Variants in CCSER2 observed in about 807,000 individuals in gnomAD.
The protein encoded by CCSER2 is coiled-coil serine rich protein 2.
CCSER2 carries 46 observed loss-of-function variants against 92.3 expected under a neutral mutation model. The observed-to-expected ratio is 0.50, with a 90% CI of 0.39 to 0.64. The LOEUF (loss-of-function observed/expected upper bound fraction) is 0.64. Among genes scored for constraint, CCSER2 ranks in the 30% least tolerant of loss-of-function variants. The pLI is 0.00. For missense variants in CCSER2, 1,244 were observed against 1,238.9 expected (o/e 1.00, Z -0.06); for synonymous variants, 433 against 431.4 (o/e 1.00, Z -0.04).
At chr10:84,342,677 CA>C (rs1042667218) in intron 1 of CCSER2, among the ~76,000 whole-genome samples, 9 of 152,174 alleles carry the variant, frequency 5.9e-5, no homozygotes, top group African/African-American at 2.2e-4. Flanking sequence ...CTGTTCCAAA[CA>C]CACTTCACAC....
intron 1 of CCSER2, among the ~76,000 whole-genome samples, chr10:84,342,265 A>C (rs2133021424): frequency 6.6e-6 from 1 of 152,332 alleles, no homozygotes; most frequent in South Asian, 2.1e-4. Flanking sequence ...GCAGAGACCA[A>C]ATGTGTATGG....
At chr10:84,413,580 A>G (rs1200072197) in intron 3 of CCSER2, among the ~76,000 whole-genome samples, 1 of 152,094 alleles carries the variant, frequency 6.6e-6, no homozygotes, top group Non-Finnish European at 1.5e-5. Flanking sequence ...TCAATTTTGG[A>G]GTAAGTGCCC....
intron 8 of CCSER2, among the ~76,000 whole-genome samples, chr10:84,476,967 C>T (rs983634487): frequency 2.6e-5 from 4 of 152,090 alleles, no homozygotes; most frequent in African/African-American, 9.7e-5. Flanking sequence ...CATCACACTG[C>T]ACATGAGAAC....
rs140130668 is a variant in CCSER2 at position 84,455,786 on chromosome 10, T to C, written c.2065-8147T>C. 508 of 1,124,246 alleles carry C rather than the reference T, an allele frequency of 4.5e-4. 5 individuals carry two copies. The East Asian group carries it at 0.012, about 26-fold the overall frequency. 69.6% of individuals were successfully genotyped at this position (1,124,246 alleles called of 1,614,324 possible). ...TTGATGAACTCCAGTTAAGGTAATGTAGATTTTCACAGACTTATCTGACTG... is the reference window on the plus strand; with the variant it reads ...TTGATGAACTCCAGTTAAGGTAATGCAGATTTTCACAGACTTATCTGACTG... On this transcript the variant is annotated intron_variant, in intron 6 of 9. Coordinates refer to ENST00000372088, the MANE Select transcript of CCSER2 (RefSeq NM_001284240.2).
At chr10:84,459,368 G>C (rs568752669) in intron 6 of CCSER2, among the ~76,000 whole-genome samples, 1 of 151,838 alleles carries the variant, frequency 6.6e-6, no homozygotes, top group Non-Finnish European at 1.5e-5. Flanking sequence ...CTATTCGTTC[G>C]CCTTTTATTT....
intron 1 of CCSER2, among the ~76,000 whole-genome samples, chr10:84,345,517 A>G (rs1057005145): frequency 7.9e-5 from 12 of 152,002 alleles, no homozygotes; most frequent in Non-Finnish European, 2.9e-5. Context: ...CTTGTTGAGT[A>G]CTCTTCTATT....
intron 1 of CCSER2, among the ~76,000 whole-genome samples, chr10:84,347,778 G>T (rs889332000): frequency 6.6e-6 from 1 of 151,630 alleles, no homozygotes; most frequent in African/African-American, 2.4e-5. Flanking sequence ...TTCTCAGACG[G>T]GGCGGCTGGA....
chr10:84,480,873 T>C (rs1194485539), intron 9 of CCSER2, among the ~76,000 whole-genome samples: 1 of 152,258 alleles, frequency 6.6e-6, no homozygotes, highest in South Asian at 2.1e-4. Context: ...GTGGTGATGG[T>C]GGTTGCTATT....
At chr10:84,331,766 AT>A (rs1276806322) in intron 1 of CCSER2, among the ~76,000 whole-genome samples, 1 of 152,032 alleles carries the variant, frequency 6.6e-6, no homozygotes, top group Non-Finnish European at 1.5e-5. Context: ...AACAAACTTA[AT>A]TTTTCTTCTT....
intron 5 of CCSER2, among the ~76,000 whole-genome samples, chr10:84,434,956 T>A (rs1844016022): frequency 6.6e-6 from 1 of 152,022 alleles, no homozygotes; most frequent in Admixed American, 6.6e-5. Context: ...CCAATTAGAG[T>A]TGAAAAGTAT....
chr10:84,457,026 T>C (rs1845665273), intron 6 of CCSER2, among the ~76,000 whole-genome samples: 1 of 150,496 alleles, frequency 6.6e-6, no homozygotes. Flanking sequence ...TGGGACTAGC[T>C]TTTTGGGCAA....
intron 1 of CCSER2, among the ~76,000 whole-genome samples, chr10:84,350,309 C>A (rs1204936231): frequency 2.6e-5 from 4 of 152,282 alleles, no homozygotes; most frequent in African/African-American, 9.6e-5. Flanking sequence ...TTACTTGATG[C>A]CCAGTTTGTT....
intron 8 of CCSER2, among the ~76,000 whole-genome samples, chr10:84,474,107 A>C (rs1846984105): frequency 6.6e-6 from 1 of 152,238 alleles, no homozygotes; most frequent in African/African-American, 2.4e-5. Context: ...GTTTATCTTT[A>C]CTACAATACC....
At chr10:84,437,925 T>A (rs1340549398) in intron 5 of CCSER2, among the ~76,000 whole-genome samples, 4 of 151,998 alleles carry the variant, frequency 2.6e-5, no homozygotes, top group African/African-American at 7.2e-5. Flanking sequence ...AGAGTAGATT[T>A]TTTTAATGCA....
At chr10:84,372,521 G>T in intron 2 of CCSER2, 52 bp downstream of exon 2, 1 of 1,013,340 alleles carries the variant, frequency 9.9e-7, no homozygotes, top group Non-Finnish European at 1.5e-6. Context: ...TAATATAACT[G>T]AACTTACATT....
At chr10:84,364,775 T>C (rs979371205) in intron 1 of CCSER2, among the ~76,000 whole-genome samples, 3 of 149,766 alleles carry the variant, frequency 2.0e-5, no homozygotes, top group African/African-American at 4.9e-5. Context: ...GGAGTCTGGC[T>C]CTTTTGTCCA....
chr10:84,494,896 C>T (rs1296976235), intron 9 of CCSER2, among the ~76,000 whole-genome samples: 1 of 151,966 alleles, frequency 6.6e-6, no homozygotes, highest in East Asian at 1.9e-4. Flanking sequence ...TTGGGTGAGT[C>T]CACAGAGTAA....
At chr10:84,330,344 T>C (rs1843492972) in intron 1 of CCSER2, among the ~76,000 whole-genome samples, 1 of 152,218 alleles carries the variant, frequency 6.6e-6, no homozygotes, top group Non-Finnish European at 1.5e-5. Context: ...TTGAGAATTC[T>C]CTACCTAGTA....
At chr10:84,366,766 G>C (rs147934655) in intron 1 of CCSER2, among the ~76,000 whole-genome samples, 1 of 152,272 alleles carries the variant, frequency 6.6e-6, no homozygotes, top group East Asian at 1.9e-4. Flanking sequence ...GTTTTATTTT[G>C]TTGTTCCTAG....
Sources: allele counts gnomAD v4.1 joint callset (sites outside exome capture counted in the v4.1 genomes callset), GRCh38; gene constraint gnomAD v4.1.1; transcripts MANE v1.5; gene names NCBI Gene and HGNC (gene_info 2026-07-23, HGNC 2026-07-21).